Variants in SLC2A2 observed in about 807,000 individuals in gnomAD.
SLC2A2 encodes the protein solute carrier family 2, facilitated glucose transporter member 2.
A neutral mutation model predicts 54.5 loss-of-function variants in SLC2A2; 36 were observed. The observed-to-expected ratio is 0.66, with a 90% confidence interval of 0.51 to 0.87. The LOEUF (loss-of-function observed/expected upper bound fraction) is 0.87, where lower values mean the gene tolerates loss of function less well. Ranked by LOEUF, SLC2A2 falls within the 40% of genes least tolerant of loss-of-function variation. The probability of loss-of-function intolerance (pLI) is 0.00; values close to 1 mark genes in which losing one functional copy is unlikely to be tolerated. For synonymous variants in SLC2A2, 223 were observed against 219.1 expected (o/e 1.02, Z -0.16); for missense variants, 543 against 624.3 (o/e 0.87, Z 1.39).
chr3:171,007,098 G>A, intron 5 of SLC2A2, 50 bp downstream of exon 5: 1 of 1,005,178 alleles, frequency 9.9e-7, no homozygotes, highest in Non-Finnish European at 1.6e-6. Flanking sequence ...TGGTACTGTA[G>A]AGGATGAAGT....
At chr3:171,024,611 C>G (rs191302532) in intron 1 of SLC2A2, among the ~76,000 whole-genome samples, 23 of 152,280 alleles carry the variant, frequency 1.5e-4, no homozygotes, top group Admixed American at 8.5e-4. Flanking sequence ...AGGGGCTTAT[C>G]AAGTCACAGA....
At chr3:171,008,624 A>G (rs1282418287) in intron 4 of SLC2A2, among the ~76,000 whole-genome samples, 1 of 152,082 alleles carries the variant, frequency 6.6e-6, no homozygotes, top group Non-Finnish European at 1.5e-5. Context: ...CAATTTTACC[A>G]AAAACATTTT....
chr3:171,021,913 T>C (rs910167536), intron 1 of SLC2A2, among the ~76,000 whole-genome samples: 2 of 152,234 alleles, frequency 1.3e-5, no homozygotes, highest in Admixed American at 1.3e-4. Context: ...TCTCTGGCAC[T>C]GACAAGTAGC....
chr3:171,009,264 A>G (rs1028532573), intron 4 of SLC2A2, among the ~76,000 whole-genome samples: 1 of 152,066 alleles, frequency 6.6e-6, no homozygotes, highest in Non-Finnish European at 1.5e-5. Flanking sequence ...AGCGATTCCC[A>G]CTATTCAGAA....
rs1716715700 is a variant in SLC2A2 at position 171,026,663 on chromosome 3, T to G, written c.8A>C (p.Glu3Ala). 6.2e-7 allele frequency: 1 copy of G among 1,613,176 alleles called. No individual in the cohort carries two copies. The highest frequency in any genetic ancestry group is 1.3e-5 in the African/African-American group (1 of 74,922). The change falls in exon 1 of 11, where the codon GAA (glutamate) becomes GCA (alanine). Residue 3 changes from glutamate (E) to alanine (A), a missense_variant. Glu to Ala is a moderately radical substitution (Grantham distance 107, BLOSUM62 -1). Transcript: ENST00000314251. The part of the protein sequence containing the change: MT[E>A]DKVTGTLVFT... The stretch of plus-strand genomic sequence containing the variant: ...AATATAATGCTGCTTTACCTTATCT[T>G]CTGTCATTGTACTAGTTGGGAGTCC...
intron 8 of SLC2A2, among the ~76,000 whole-genome samples, chr3:171,000,180 T>C (rs1041049201): frequency 3.3e-5 from 5 of 152,096 alleles, no homozygotes; most frequent in African/African-American, 9.7e-5. Flanking sequence ...GGCACACTCA[T>C]ATCAGAGTTT....
At chr3:171,020,876 C>G (rs57413756) in intron 1 of SLC2A2, among the ~76,000 whole-genome samples, 31,511 of 150,784 alleles carry the variant, frequency 0.21, 4,809 homozygotes, top group African/African-American at 0.44. Context: ...AAAGCAAGAC[C>G]CTGTCTCAAA....
intron 4 of SLC2A2, among the ~76,000 whole-genome samples, chr3:171,008,774 A>G (rs1377718903): frequency 6.6e-6 from 1 of 152,108 alleles, no homozygotes; most frequent in Non-Finnish European, 1.5e-5. Flanking sequence ...AAGGCCATGC[A>G]GAGACAGTGC....
At chr3:171,026,606 CT>C (rs1716713629) in intron 1 of SLC2A2, 49 bp downstream of exon 1, 2 of 1,536,788 alleles carry the variant, frequency 1.3e-6, no homozygotes, top group African/African-American at 2.7e-5. Context: ...CTGTATTCCC[CT>C]AACTATCTCC....
In SLC2A2 at chr3:171,006,050, C is replaced by G. The variant is rs760641937; in HGVS notation, c.668G>C (p.Gly223Ala). ...AAGGATGGCTCGCACACCAGACAGGCCAAGCAGGATGTGCCACAGATCATA... is the reference window on the plus strand; with the variant it reads ...AAGGATGGCTCGCACACCAGACAGGGCAAGCAGGATGTGCCACAGATCATA... ...GNYDLWHILL[G>A]LSGVRAILQS... is the part of the protein sequence containing the mutation. The change falls in exon 6 of 11, where the codon GGC becomes GCC. Residue 223 changes from glycine to alanine, a missense_variant. Physicochemically the swap from Gly to Ala is moderately conservative, Grantham distance 60. Around this residue, in one of 3 missense-constraint regions of SLC2A2, gnomAD observed 318 missense variants for 343.8 expected, o/e 0.93. Coordinates refer to ENST00000314251, the MANE Select transcript of SLC2A2 (RefSeq NM_000340.2). 2.5e-6 allele frequency: 4 copies of G among 1,612,578 alleles called. No individual in the cohort carries two copies. Among genetic ancestry groups the G allele is most frequent in the Non-Finnish European group, 3.4e-6 (4 of 1,179,088 alleles).
At chr3:171,003,316 A>G (rs926415585) in intron 7 of SLC2A2, among the ~76,000 whole-genome samples, 1 of 151,846 alleles carries the variant, frequency 6.6e-6, no homozygotes, top group East Asian at 1.9e-4. Context: ...ACGATTTACT[A>G]CTATTCTATT....
Position 171,022,121 on chromosome 3 carries a change from T to A in SLC2A2, c.16-3498A>T, listed in dbSNP as rs955398661. 2.2e-3 allele frequency among the ~76,000 whole-genome samples: 331 copies of A among 152,344 alleles called. 1 individual carries two copies. Among genetic ancestry groups the A allele is most frequent in the Non-Finnish European group, 3.7e-3 (253 of 68,026 alleles). The stretch of plus-strand genomic sequence containing the variant: ...ACGATTATTCTGTCTACCACATTCT[T>A]CATGGCAGCACCATTAATGTCCCCA... On this transcript the variant is annotated intron_variant, in intron 1 of 10. Transcript: ENST00000314251.
intron 7 of SLC2A2, among the ~76,000 whole-genome samples, chr3:171,004,572 A>G (rs1715496824): frequency 6.7e-6 from 1 of 148,894 alleles, no homozygotes; most frequent in African/African-American, 2.5e-5. Context: ...TTTAACAGCA[A>G]CAAAAGGGGA....
intron 1 of SLC2A2, among the ~76,000 whole-genome samples, chr3:171,019,109 ATATATATATATATACGTATG>A (rs1434350699): frequency 0.022 from 127 of 5,664 alleles, 1 homozygote; most frequent in East Asian, 0.11. Flanking sequence ...ATATATATAT[ATATATATATATATACGTATG>A]TATATATATA....
rs937911289 is a variant in SLC2A2 at position 170,996,521 on chromosome 3, CTCCAGT to C, written c.*1376_*1381del. The C allele has an allele frequency of 1.8e-5, 7 of 397,170 alleles. No homozygotes were observed. The highest frequency in any genetic ancestry group is 1.0e-4 in the African/African-American group (5 of 48,558). The allele number at this position is 397,170 out of a possible 1,614,324, so 24.6% of individuals were successfully genotyped here. Reference sequence around the variant, plus strand: ...CAAACATAAGAAGGATTGATCAGTGCTCCAGTTGGTGGAGAAAACAGCCTAGAGATA... The same window carrying C: ...CAAACATAAGAAGGATTGATCAGTGCTGGTGGAGAAAACAGCCTAGAGATA... On this transcript the variant is annotated 3_prime_UTR_variant, in exon 11 of 11. Coordinates refer to ENST00000314251, the MANE Select transcript of SLC2A2 (RefSeq NM_000340.2).
chr3:170,999,500 G>C (rs1221853493), intron 8 of SLC2A2, among the ~76,000 whole-genome samples: 1 of 151,978 alleles, frequency 6.6e-6, no homozygotes, highest in Non-Finnish European at 1.5e-5. Flanking sequence ...GTACAGCTGG[G>C]GTCTCTTCCA....
intron 1 of SLC2A2, among the ~76,000 whole-genome samples, chr3:171,020,575 C>A (rs1462086220): frequency 6.6e-6 from 1 of 151,994 alleles, no homozygotes; most frequent in Non-Finnish European, 1.5e-5. Context: ...TATAATATTG[C>A]ATAATATGTT....
rs561085655 is a variant in SLC2A2 at position 170,997,060 on chromosome 3, G to A, written c.*843C>T. ...ATGTCTGACTCATGATTGTTTGAGTGTATGTGAAAACCAGGCTGTCCTCAA... is the reference window on the plus strand; with the variant it reads ...ATGTCTGACTCATGATTGTTTGAGTATATGTGAAAACCAGGCTGTCCTCAA... On this transcript the variant is annotated 3_prime_UTR_variant, in exon 11 of 11. Transcript: ENST00000314251. 1.3e-5 allele frequency: 2 copies of A among 159,092 alleles called. No homozygotes were observed. Among genetic ancestry groups the A allele is most frequent in the African/African-American group, 2.4e-5 (1 of 41,846 alleles). 9.9% of individuals were successfully genotyped at this position (159,092 alleles called of 1,614,324 possible). A position where few individuals can be genotyped will look rare whatever the true frequency, so the allele number is the denominator to read the frequency against.
At chr3:171,005,033 T>G (rs1027689350) in intron 7 of SLC2A2, among the ~76,000 whole-genome samples, 1 of 142,054 alleles carries the variant, frequency 7.0e-6, no homozygotes, top group Admixed American at 6.9e-5. Flanking sequence ...GTATTAAGAT[T>G]TTTGCTTTTT....
Sources: allele counts gnomAD v4.1 joint callset (sites outside exome capture counted in the v4.1 genomes callset), GRCh38; gene constraint gnomAD v4.1.1; regional missense constraint gnomAD v4.1.1; transcripts MANE v1.5; gene names NCBI Gene and HGNC (gene_info 2026-07-23, HGNC 2026-07-21).